Variants in MAF observed in about 807,000 individuals in gnomAD.
The protein encoded by MAF is MAF bZIP transcription factor.
MAF carries 10 observed loss-of-function variants against 22.0 expected under a neutral mutation model. The observed-to-expected ratio is 0.45, with a 90% CI of 0.28 to 0.77. The LOEUF is 0.77. MAF is among the 30% of genes least tolerant of loss of function. The pLI is 0.12. For synonymous variants in MAF, 337 were observed against 255.8 expected (o/e 1.32, Z -3.03); for missense variants, 544 against 548.4 (o/e 0.99, Z 0.08).
the MAF span, among the ~76,000 whole-genome samples, chr16:79,325,780 C>A: frequency 6.6e-6 from 1 of 152,216 alleles, no homozygotes. Flanking sequence ...TTGTCTTATT[C>A]ATCAAAGGAA....
At chr16:79,230,793 G>A in the MAF span, among the ~76,000 whole-genome samples, 5 of 152,120 alleles carry the variant, frequency 3.3e-5, no homozygotes, top group Admixed American at 1.3e-4. Flanking sequence ...TGTACTTATT[G>A]CATAGCAAGA....
At chr16:79,393,864 A>G in the MAF span, among the ~76,000 whole-genome samples, 1 of 152,196 alleles carries the variant, frequency 6.6e-6, no homozygotes, top group African/African-American at 2.4e-5. Flanking sequence ...GCAAGAAGCA[A>G]ACAGAAGAAG....
At chr16:79,263,739 T>C in the MAF span, among the ~76,000 whole-genome samples, 1 of 152,214 alleles carries the variant, frequency 6.6e-6, no homozygotes, top group African/African-American at 2.4e-5. Flanking sequence ...AGCTTGGAGA[T>C]TCATGAGAGT....
At chr16:79,335,616 C>T in the MAF span, among the ~76,000 whole-genome samples, 6,148 of 152,162 alleles carry the variant, frequency 0.04, 159 homozygotes, top group South Asian at 0.065. Flanking sequence ...GAGAAGCAGG[C>T]AGGGACCCCC....
At chr16:79,247,130 T>TGATA in the MAF span, among the ~76,000 whole-genome samples, 24 of 152,106 alleles carry the variant, frequency 1.6e-4, no homozygotes, top group Admixed American at 5.9e-4. Flanking sequence ...CCCGAGGTGG[T>TGATA]GATATTTCAA....
At chr16:79,467,165 A>C in the MAF span, among the ~76,000 whole-genome samples, 1 of 152,250 alleles carries the variant, frequency 6.6e-6, no homozygotes, top group African/African-American at 2.4e-5. Flanking sequence ...GGTCCCTCCC[A>C]AATTCATCAT....
chr16:79,538,870 GA>G, the MAF span, among the ~76,000 whole-genome samples: 7,594 of 30,446 alleles, frequency 0.25, 225 homozygotes, highest in South Asian at 0.3. Context: ...GAAAAGAAAA[GA>G]AAAGAAAGAA....
the MAF span, among the ~76,000 whole-genome samples, chr16:79,462,455 A>G: frequency 6.6e-6 from 1 of 151,606 alleles, no homozygotes; most frequent in South Asian, 2.1e-4. Flanking sequence ...TCTGAGTTTA[A>G]TGTCTAAACT....
At chr16:79,247,463 C>A in the MAF span, among the ~76,000 whole-genome samples, 1 of 152,158 alleles carries the variant, frequency 6.6e-6, no homozygotes, top group African/African-American at 2.4e-5. Flanking sequence ...ACCAGCTCAC[C>A]CAGTTGAATC....
At chr16:79,254,048 CTCTT>C in the MAF span, among the ~76,000 whole-genome samples, 2 of 150,924 alleles carry the variant, frequency 1.3e-5, no homozygotes, top group African/African-American at 4.9e-5. Flanking sequence ...TTATAAAAAA[CTCTT>C]TATATGTTAT....
intron 1 of MAF, 98 bp from the exon 2 acceptor site, chr16:79,594,651 TTA>T: frequency 6.6e-7 from 1 of 1,524,934 alleles, no homozygotes; most frequent in South Asian, 1.3e-5. Flanking sequence ...TTTTTTTTTT[TTA>T]AATTTAGAGA....
chr16:79,367,376 T>C, the MAF span, among the ~76,000 whole-genome samples: 1 of 152,134 alleles, frequency 6.6e-6, no homozygotes, highest in South Asian at 2.1e-4. Context: ...AGACTGCAGT[T>C]ACCATCTGTA....
At chr16:79,418,810 A>G in the MAF span, among the ~76,000 whole-genome samples, 3 of 152,290 alleles carry the variant, frequency 2.0e-5, no homozygotes, top group African/African-American at 7.2e-5. Flanking sequence ...GAGCAAATGC[A>G]GAGAGATGCA....
chr16:79,418,923 A>G, the MAF span, among the ~76,000 whole-genome samples: 1 of 152,218 alleles, frequency 6.6e-6, no homozygotes, highest in Non-Finnish European at 1.5e-5. Flanking sequence ...CTTCCCCATA[A>G]TAAAAGAACA....
chr16:79,211,184 T>C, the MAF span, among the ~76,000 whole-genome samples: 12 of 152,166 alleles, frequency 7.9e-5, no homozygotes, highest in Admixed American at 3.3e-4. Context: ...TAAGAGTGGT[T>C]GGTTTGTCAG....
At chr16:79,402,097 T>C in the MAF span, among the ~76,000 whole-genome samples, 2 of 152,234 alleles carry the variant, frequency 1.3e-5, no homozygotes, top group African/African-American at 4.8e-5. Context: ...TCTGTCATTC[T>C]CTAGCTGCCT....
At chr16:79,281,455 T>G in the MAF span, among the ~76,000 whole-genome samples, 3 of 152,040 alleles carry the variant, frequency 2.0e-5, no homozygotes, top group Admixed American at 2.0e-4. Flanking sequence ...TTTAAGCAAG[T>G]GAGCTGTATT....
the MAF span, among the ~76,000 whole-genome samples, chr16:79,460,844 G>GCTCT: frequency 1.3e-5 from 2 of 152,216 alleles, no homozygotes; most frequent in Admixed American, 1.3e-4. Context: ...ATGGTGAGTG[G>GCTCT]CTCTTCCTTC....
At chr16:79,564,851 C>G in the MAF span, among the ~76,000 whole-genome samples, 4 of 152,172 alleles carry the variant, frequency 2.6e-5, no homozygotes, top group Non-Finnish European at 5.9e-5. Flanking sequence ...AGCCTATTAA[C>G]TATGTGGGGA....
Sources: allele counts gnomAD v4.1 joint callset (sites outside exome capture counted in the v4.1 genomes callset), GRCh38; gene constraint gnomAD v4.1.1; transcripts MANE v1.5; gene names NCBI Gene and HGNC (gene_info 2026-07-23, HGNC 2026-07-21).